The following DLG2 variants were observed in gnomAD, a reference collection of about 807,000 sequenced individuals.
DLG2 encodes disks large homolog 2.
In DLG2, 45 loss-of-function variants were observed where a neutral mutation model predicts 132.5. The ratio of observed to expected loss-of-function variants is 0.34; its 90% CI spans 0.27 to 0.44. The LOEUF is 0.44. DLG2 is among the 20% of genes least tolerant of loss of function. The pLI, the probability that DLG2 is intolerant of heterozygous loss-of-function variation, is 1.00. For missense variants in DLG2, 1,045 were observed against 1,196.9 expected (o/e 0.87, Z 1.87); for synonymous variants, 424 against 419.6 (o/e 1.01, Z -0.13).
intron 6 of DLG2, among the ~76,000 whole-genome samples, chr11:84,881,606 C>T (rs973753906): frequency 2.6e-5 from 4 of 152,112 alleles, no homozygotes; most frequent in Admixed American, 2.6e-4. Context: ...TTACCCCTGG[C>T]CTCCTCTCAC....
At chr11:85,064,074 G>A (rs571237219) in intron 6 of DLG2, among the ~76,000 whole-genome samples, 1 of 151,710 alleles carries the variant, frequency 6.6e-6, no homozygotes, top group African/African-American at 2.4e-5. Context: ...CAAATACGAG[G>A]ACAAAACTGA....
intron 19 of DLG2, among the ~76,000 whole-genome samples, chr11:83,623,574 T>C (rs12294560): frequency 0.22 from 33,705 of 152,198 alleles, 4,073 homozygotes; most frequent in African/African-American, 0.3. Context: ...AGCTGTTCTG[T>C]GTGTGGTCCA....
chr11:84,661,326 A>G (rs2099694259), intron 6 of DLG2, among the ~76,000 whole-genome samples: 2 of 152,190 alleles, frequency 1.3e-5, no homozygotes, highest in Admixed American at 1.3e-4. Flanking sequence ...TGGATTACAA[A>G]GTCTCAAATG....
At chr11:84,365,714 T>C (rs2098678222) in intron 7 of DLG2, among the ~76,000 whole-genome samples, 1 of 151,900 alleles carries the variant, frequency 6.6e-6, no homozygotes, top group Admixed American at 6.6e-5. Flanking sequence ...ATGTTGTGTC[T>C]TTGTTCTCTT....
intron 6 of DLG2, among the ~76,000 whole-genome samples, chr11:85,051,759 G>A (rs984246278): frequency 6.6e-6 from 1 of 152,082 alleles, no homozygotes; most frequent in South Asian, 2.1e-4. Context: ...TTAAAATAGA[G>A]TTAATTATCT....
At chr11:83,483,913 G>GCAAGT (rs1246344697) in intron 22 of DLG2, among the ~76,000 whole-genome samples, 1 of 152,096 alleles carries the variant, frequency 6.6e-6, no homozygotes, top group Non-Finnish European at 1.5e-5. Flanking sequence ...CCCAGTTTTG[G>GCAAGT]CAAGTCTCTC....
chr11:84,146,954 A>G (rs1266137902), intron 9 of DLG2, among the ~76,000 whole-genome samples: 1 of 152,070 alleles, frequency 6.6e-6, no homozygotes, highest in Non-Finnish European at 1.5e-5. Context: ...ACATTACTTC[A>G]TATGGCAAAA....
At chr11:84,581,042 C>G (rs959714243) in intron 6 of DLG2, among the ~76,000 whole-genome samples, 3 of 152,204 alleles carry the variant, frequency 2.0e-5, no homozygotes, top group African/African-American at 7.2e-5. Flanking sequence ...GCCATTCTGT[C>G]TTTACACAAA....
intron 8 of DLG2, among the ~76,000 whole-genome samples, chr11:84,169,068 G>A (rs956521997): frequency 2.6e-5 from 4 of 151,986 alleles, no homozygotes; most frequent in African/African-American, 9.7e-5. Flanking sequence ...TGATGAGTGC[G>A]AGTTTGGGTA....
intron 4 of DLG2, among the ~76,000 whole-genome samples, chr11:85,229,534 T>G (rs1309077226): frequency 6.6e-6 from 1 of 152,144 alleles, no homozygotes; most frequent in Non-Finnish European, 1.5e-5. Context: ...GCTTTTACAC[T>G]GTTGGTGGGA....
chr11:85,037,101 A>G (rs768516577), intron 6 of DLG2, among the ~76,000 whole-genome samples: 5 of 152,192 alleles, frequency 3.3e-5, no homozygotes, highest in Admixed American at 6.5e-5. Context: ...CAGCTAGGAG[A>G]AAAGATTTGT....
At chr11:83,655,542 C>T (rs2072107073) in intron 18 of DLG2, among the ~76,000 whole-genome samples, 1 of 152,166 alleles carries the variant, frequency 6.6e-6, no homozygotes, top group Non-Finnish European at 1.5e-5. Context: ...CTCAGTAGCA[C>T]TTTCTCTGTA....
chr11:85,157,533 A>G (rs527725467), intron 4 of DLG2, among the ~76,000 whole-genome samples: 5 of 152,270 alleles, frequency 3.3e-5, no homozygotes, highest in African/African-American at 9.6e-5. Context: ...ACATTTGACT[A>G]TATGTGGAGA....
At chr11:85,012,941 T>A (rs1311857985) in intron 6 of DLG2, among the ~76,000 whole-genome samples, 1 of 152,192 alleles carries the variant, frequency 6.6e-6, no homozygotes, top group Non-Finnish European at 1.5e-5. Flanking sequence ...AGAGTTGTTG[T>A]AAGCAATAAA....
chr11:84,869,479 T>C (rs577035905), intron 6 of DLG2, among the ~76,000 whole-genome samples: 95 of 152,222 alleles, frequency 6.2e-4, no homozygotes, highest in African/African-American at 2.1e-3. Context: ...GGTTGAACCT[T>C]ATATATAATC....
rs546368222 is a variant in DLG2 at position 85,281,589 on chromosome 11, G to A, written c.186+3631C>T. On this transcript the variant is annotated intron_variant, in intron 4 of 27. Coordinates refer to ENST00000376104, the MANE Select transcript of DLG2 (RefSeq NM_001142699.3). Reference sequence around the variant, plus strand: ...ATTCATATGCTCAAAACTTTCCAACGGTTTCTATTTCGCTCATAGTAAAAT... The same window carrying A: ...ATTCATATGCTCAAAACTTTCCAACAGTTTCTATTTCGCTCATAGTAAAAT... Among the ~76,000 whole-genome samples, 30 of 152,026 alleles carry A rather than the reference G, an allele frequency of 2.0e-4. No individual in the cohort carries two copies. In the East Asian group the frequency reaches 5.0e-3, roughly 25 times the overall value.
At chr11:84,301,529 G>A (rs987470569) in intron 7 of DLG2, among the ~76,000 whole-genome samples, 4 of 151,624 alleles carry the variant, frequency 2.6e-5, no homozygotes, top group Non-Finnish European at 1.5e-5. Flanking sequence ...GCCTGGTGGC[G>A]GCGCCTATAG....
intron 6 of DLG2, among the ~76,000 whole-genome samples, chr11:85,038,085 T>A (rs533333484): frequency 3.4e-4 from 52 of 152,138 alleles, no homozygotes; most frequent in African/African-American, 1.3e-3. Context: ...AGAGCCTGCA[T>A]ATGAATGACA....
chr11:84,452,449 C>T (rs2099054253), intron 7 of DLG2, among the ~76,000 whole-genome samples: 2 of 151,754 alleles, frequency 1.3e-5, no homozygotes, highest in South Asian at 2.1e-4. Context: ...CTCCTGCTGT[C>T]TTAAAAATTT....
Sources: allele counts gnomAD v4.1 joint callset (sites outside exome capture counted in the v4.1 genomes callset), GRCh38; gene constraint gnomAD v4.1.1; transcripts MANE v1.5; gene names NCBI Gene and HGNC (gene_info 2026-07-23, HGNC 2026-07-21).